DBF4B: variants seen among roughly 807,000 people sequenced by gnomAD.
DBF4B encodes the protein protein DBF4 homolog B.
DBF4B carries 49 observed loss-of-function variants against 53.4 expected under a neutral mutation model. That is an observed-to-expected ratio of 0.92 (90% confidence interval 0.73 to 1.16). The LOEUF is 1.16. Ranked by LOEUF, DBF4B falls within the 50% of genes most tolerant of loss-of-function variation. The pLI, the probability that DBF4B is intolerant of heterozygous loss-of-function variation, is 0.00. For synonymous variants in DBF4B, 257 were observed against 288.7 expected (o/e 0.89, Z 1.11); for missense variants, 692 against 775.0 (o/e 0.89, Z 1.27).
At chr17:44,716,026 G>A (rs1973308244) in intron 2 of DBF4B, among the ~76,000 whole-genome samples, 1 of 151,614 alleles carries the variant, frequency 6.6e-6, no homozygotes, top group African/African-American at 2.4e-5. Context: ...GTTTCACCAT[G>A]TTGGCCAGGC....
At chr17:44,724,581 G>A (rs187907713) in intron 3 of DBF4B, among the ~76,000 whole-genome samples, 2,652 of 152,178 alleles carry the variant, frequency 0.017, 34 homozygotes, top group South Asian at 0.032. Flanking sequence ...AGGTTTCACC[G>A]TGTTAGCCAG....
chr17:44,720,294 G>C, intron 2 of DBF4B: 1 of 261,578 alleles, frequency 3.8e-6, no homozygotes, highest in Non-Finnish European at 7.6e-6. Flanking sequence ...AACCACCTGG[G>C]TACCACTGTT....
chr17:44,750,566 C>T, intron 13 of DBF4B, 29 bp from the exon 14 acceptor site: 1 of 1,574,088 alleles, frequency 6.4e-7, no homozygotes, highest in South Asian at 1.2e-5. Context: ...GCTGGAATGC[C>T]ATATGTCGGT....
rs1216230699 is a variant in DBF4B at position 44,747,068 on chromosome 17, A to C, written c.831-15A>C. The C allele has an allele frequency of 1.9e-6, 3 of 1,612,794 alleles. No homozygotes were observed. The highest frequency in any genetic ancestry group is 2.7e-5 in the African/African-American group (2 of 74,874). On this transcript the variant is annotated splice_polypyrimidine_tract_variant and intron_variant, in intron 10 of 13. Coordinates refer to ENST00000315005, the MANE Select transcript of DBF4B (RefSeq NM_145663.3). ...CCAGCAGTAACCACTTTGCCGCACT[A>C]TGTACCCTCCCCAGAGAATCCAAGG...
At chr17:44,714,512 C>A (rs534477221) in intron 2 of DBF4B, among the ~76,000 whole-genome samples, 1 of 151,774 alleles carries the variant, frequency 6.6e-6, no homozygotes, top group Non-Finnish European at 1.5e-5. Context: ...TAAGAGGTAT[C>A]CTTCATTCCA....
intron 6 of DBF4B, 127 bp downstream of exon 6, chr17:44,732,392 T>C (rs1598814488): frequency 9.9e-7 from 1 of 1,010,178 alleles, no homozygotes. Flanking sequence ...TCAGCTGCCA[T>C]GTTGATCCAC....
In DBF4B at chr17:44,751,789, A is replaced by G; in HGVS notation, c.*536A>G. The G allele has an allele frequency of 6.6e-7, 1 of 1,515,288 alleles. No homozygotes were observed. Among genetic ancestry groups the G allele is most frequent in the Non-Finnish European group, 8.8e-7 (1 of 1,135,044 alleles). The allele number at this position is 1,515,288 out of a possible 1,614,324, so 93.9% of individuals were successfully genotyped here. A position where few individuals can be genotyped will look rare whatever the true frequency, so the allele number is the denominator to read the frequency against. On this transcript the variant is annotated 3_prime_UTR_variant, in exon 14 of 14. Transcript: ENST00000315005. Reference sequence around the variant, plus strand: ...AAGATCATCTATTCCAAGGTCATGGACAGGCTACTGGTGACCAAAGTTGGT... The same window carrying G: ...AAGATCATCTATTCCAAGGTCATGGGCAGGCTACTGGTGACCAAAGTTGGT...
chr17:44,721,870 C>G (rs565179556), intron 2 of DBF4B, among the ~76,000 whole-genome samples: 7 of 151,672 alleles, frequency 4.6e-5, no homozygotes, highest in Non-Finnish European at 1.0e-4. Context: ...CATGGTGGCT[C>G]GCGCCTGTAA....
chr17:44,727,665 C>T (rs1009764629), intron 3 of DBF4B, among the ~76,000 whole-genome samples: 3 of 152,096 alleles, frequency 2.0e-5, no homozygotes, highest in African/African-American at 7.2e-5. Context: ...AAACACCAAC[C>T]CTACTTGGGC....
chr17:44,743,640 C>T (rs9911454), intron 10 of DBF4B, among the ~76,000 whole-genome samples: 130,879 of 145,720 alleles, frequency 0.9, 58,882 homozygotes, highest in African/African-American at 0.94. Flanking sequence ...AGAATGAGTC[C>T]CACACTGTTG....
At chr17:44,718,378 G>T (rs959138914) in intron 2 of DBF4B, among the ~76,000 whole-genome samples, 1 of 145,896 alleles carries the variant, frequency 6.9e-6, no homozygotes, top group Admixed American at 7.0e-5. Context: ...AGCCGAGATC[G>T]CACCACTGCA....
At chr17:44,750,187 C>T (rs375323023) in intron 13 of DBF4B, 1 of 1,001,102 alleles carries the variant, frequency 1.0e-6, no homozygotes, top group Admixed American at 5.7e-5. Context: ...GACCTCCCCC[C>T]ATTTCTGGCA....
At chr17:44,729,483 G>C (rs1974635205) in intron 3 of DBF4B, among the ~76,000 whole-genome samples, 1 of 152,088 alleles carries the variant, frequency 6.6e-6, no homozygotes, top group African/African-American at 2.4e-5. Flanking sequence ...TAGGATTACA[G>C]GTATCAGCCA....
Position 44,749,853 on chromosome 17 carries a change from T to A in DBF4B, c.1190-742T>A. On this transcript the variant is annotated intron_variant, in intron 13 of 13. Coordinates refer to ENST00000315005, the MANE Select transcript of DBF4B (RefSeq NM_145663.3). The surrounding 1 kb of genome is among the most constrained non-coding windows in gnomAD (Gnocchi z 4.4). ...TTTCTCACGAGCATGTGGCCGCTCC[T>A]GCTTTCCAAAATGACTGTGTTTGTC... The A allele has an allele frequency of 8.7e-6, 9 of 1,030,544 alleles. No individual in the cohort carries two copies. The highest frequency in any genetic ancestry group is 1.0e-5 in the Non-Finnish European group (9 of 857,320). The allele number at this position is 1,030,544 out of a possible 1,614,324, so 63.8% of individuals were successfully genotyped here. A position where few individuals can be genotyped will look rare whatever the true frequency, so the allele number is the denominator to read the frequency against.
At position 44,708,720 on chromosome 17, in the gene DBF4B, T is replaced by C; in HGVS notation, c.-101T>C. On this transcript the variant is annotated 5_prime_UTR_variant, in exon 1 of 14. Coordinates refer to ENST00000315005, the MANE Select transcript of DBF4B (RefSeq NM_145663.3). Reference sequence around the variant, plus strand: ...GATTGATGCTGTAGCTGCCCTGAGATAACCAGGACTGTGGAATCGGGAAGA... The same window carrying C: ...GATTGATGCTGTAGCTGCCCTGAGACAACCAGGACTGTGGAATCGGGAAGA... 1.4e-6 allele frequency: 2 copies of C among 1,391,428 alleles called. No individual in the cohort carries two copies. Among genetic ancestry groups the C allele is most frequent in the South Asian group, 2.8e-5 (2 of 70,600 alleles). The allele number at this position is 1,391,428 out of a possible 1,614,324, so 86.2% of individuals were successfully genotyped here.
chr17:44,720,435 C>T, intron 2 of DBF4B: 1 of 234,814 alleles, frequency 4.3e-6, no homozygotes, highest in Non-Finnish European at 8.6e-6. Context: ...GGAATATCTG[C>T]AATTCCTCTG....
chr17:44,735,971 ATTTG>A (rs2145016031), intron 7 of DBF4B, among the ~76,000 whole-genome samples: 1 of 151,578 alleles, frequency 6.6e-6, no homozygotes, highest in South Asian at 2.1e-4. Flanking sequence ...TTTTTATTTT[ATTTG>A]TTTATTTTAC....
intron 10 of DBF4B, among the ~76,000 whole-genome samples, chr17:44,743,493 A>G (rs1219954406): frequency 3.3e-5 from 5 of 151,860 alleles, no homozygotes; most frequent in Admixed American, 3.3e-4. Flanking sequence ...TCCCAGGGGT[A>G]GAGGCTGGAG....
intron 6 of DBF4B, 50 bp downstream of exon 6, chr17:44,732,315 C>G: frequency 6.3e-7 from 1 of 1,587,906 alleles, no homozygotes; most frequent in Non-Finnish European, 8.6e-7. Flanking sequence ...GTGACTTTGA[C>G]CAGGAGTGTC....
Sources: allele counts gnomAD v4.1 joint callset (sites outside exome capture counted in the v4.1 genomes callset), GRCh38; gene constraint gnomAD v4.1.1; non-coding constraint Gnocchi (gnomAD v3.1); transcripts MANE v1.5; gene names NCBI Gene and HGNC (gene_info 2026-07-23, HGNC 2026-07-21).